Variants in CATIP observed in about 807,000 individuals in gnomAD.
CATIP encodes ciliogenesis-associated TTC17-interacting protein.
CATIP carries 40 observed loss-of-function variants against 42.5 expected under a neutral mutation model. The observed-to-expected ratio is 0.94, with a 90% CI of 0.73 to 1.22. CATIP has a LOEUF of 1.22. Ranked by LOEUF, CATIP falls within the 50% of genes most tolerant of loss-of-function variation. The pLI is 0.00. For missense variants in CATIP, 489 were observed against 496.0 expected (o/e 0.99, Z 0.13); for synonymous variants, 222 against 200.2 (o/e 1.11, Z -0.92).
chr2:218,363,978 G>A (rs1002351421), intron 6 of CATIP, among the ~76,000 whole-genome samples: 22 of 152,030 alleles, frequency 1.4e-4, no homozygotes, highest in Non-Finnish European at 2.8e-4. Context: ...AGGACTTCCT[G>A]CAATCAGTGA....
intron 6 of CATIP, 128 bp downstream of exon 6, chr2:218,363,030 G>A: frequency 1.1e-6 from 1 of 899,140 alleles, no homozygotes; most frequent in Non-Finnish European, 1.7e-6. Context: ...GCACAGGTGG[G>A]AATGGGGCTT....
At chr2:218,362,934 T>C (rs1270442921) in intron 6 of CATIP, 32 bp downstream of exon 6, 2 of 1,586,248 alleles carry the variant, frequency 1.3e-6, no homozygotes, top group Admixed American at 3.5e-5. Context: ...GGGACTTGGC[T>C]TGGGAGCGAA....
At chr2:218,361,973 G>A (rs375877176) in intron 5 of CATIP, among the ~76,000 whole-genome samples, 1 of 150,704 alleles carries the variant, frequency 6.6e-6, no homozygotes, top group African/African-American at 2.4e-5. Flanking sequence ...CTAGGAGTTC[G>A]AGACTTGCCT....
At chr2:218,366,958 G>A in intron 7 of CATIP, 66 bp from the exon 8 acceptor site, 1 of 1,238,102 alleles carries the variant, frequency 8.1e-7, no homozygotes, top group Non-Finnish European at 1.2e-6. Context: ...GGGTTAGAGA[G>A]ACAATTCAGT....
chr2:218,361,215 A>G (rs955672278), intron 5 of CATIP, among the ~76,000 whole-genome samples: 8 of 152,068 alleles, frequency 5.3e-5, no homozygotes, highest in Non-Finnish European at 1.2e-4. Context: ...AGACGTAAAA[A>G]TACAAAAAAT....
intron 5 of CATIP, among the ~76,000 whole-genome samples, chr2:218,361,843 GGGGA>G (rs1695244991): frequency 6.6e-6 from 1 of 152,124 alleles, no homozygotes; most frequent in Non-Finnish European, 1.5e-5. Context: ...AACTCTGAGC[GGGGA>G]CCAGATTAGA....
At chr2:218,361,844 G>A (rs1209525782) in intron 5 of CATIP, among the ~76,000 whole-genome samples, 1 of 152,106 alleles carries the variant, frequency 6.6e-6, no homozygotes, top group Non-Finnish European at 1.5e-5. Flanking sequence ...ACTCTGAGCG[G>A]GGACCAGATT....
chr2:218,357,285 C>CTCTCTT (rs1393514461), intron 2 of CATIP, 98 bp downstream of exon 2: 122 of 883,006 alleles, frequency 1.4e-4, no homozygotes, highest in Non-Finnish European at 1.8e-4. Context: ...CTCTCTCTCT[C>CTCTCTT]TCTCTTCCTT....
In CATIP at chr2:218,367,854, G is replaced by T. The variant is rs756758937; in HGVS notation, c.1054G>T (p.Gly352Cys). ...DVVTFAAEFF[G>C]PFDPWRPSSP... is the part of the protein sequence containing the mutation. The stretch of plus-strand genomic sequence containing the variant: ...GGTCACCTTCGCCGCCGAGTTCTTC[G>T]GCCCCTTCGACCCGTGGCGTCCGTC... Residue 352 changes from glycine to cysteine, a missense_variant, in exon 10 of 10, where the codon GGC becomes TGC. Gly to Cys is a radical substitution (Grantham distance 159, BLOSUM62 -3). Coordinates refer to ENST00000289388, the MANE Select transcript of CATIP (RefSeq NM_198559.2). The T allele has an allele frequency of 6.2e-7, 1 of 1,613,114 alleles. No homozygotes were observed. The highest frequency in any genetic ancestry group is 2.2e-5 in the East Asian group (1 of 44,870).
At position 218,368,025 on chromosome 2, in the gene CATIP, G is replaced by T. The variant is rs2106321570; in HGVS notation, c.*61G>T. The T allele has an allele frequency of 2.1e-6, 3 of 1,444,772 alleles. No homozygotes were observed. The highest frequency in any genetic ancestry group is 2.7e-6 in the Non-Finnish European group (3 of 1,105,592). The allele number at this position is 1,444,772 out of a possible 1,614,324, so 89.5% of individuals were successfully genotyped here. ...GGTCGGGCTGGGACGCGGGCGGGACGCGCCGGGGCGGGTGCGCTTTCCGGG... is the reference window on the plus strand; with the variant it reads ...GGTCGGGCTGGGACGCGGGCGGGACTCGCCGGGGCGGGTGCGCTTTCCGGG... On this transcript the variant is annotated 3_prime_UTR_variant, in exon 10 of 10. Transcript: ENST00000289388.
At chr2:218,367,383 G>T (rs753909684) in intron 8 of CATIP, 47 bp from the exon 9 acceptor site, 4 of 1,547,410 alleles carry the variant, frequency 2.6e-6, no homozygotes, top group Non-Finnish European at 3.6e-6. Flanking sequence ...TGTATCCAAG[G>T]AAGGTTCCGG....
intron 4 of CATIP, among the ~76,000 whole-genome samples, chr2:218,359,332 ACT>A (rs1402745846): frequency 8.2e-6 from 1 of 122,578 alleles, no homozygotes; most frequent in East Asian, 2.3e-4. Context: ...ACAGAGCGAG[ACT>A]CTGTCTCAAA....
intron 8 of CATIP, 50 bp downstream of exon 8, chr2:218,367,150 G>A (rs750800522): frequency 7.0e-7 from 1 of 1,424,248 alleles, no homozygotes; most frequent in Non-Finnish European, 9.8e-7. Flanking sequence ...AGGGGAGTGG[G>A]GAAACCTGGG....
chr2:218,364,475 T>A (rs1297301687), intron 6 of CATIP, among the ~76,000 whole-genome samples, 153 bp from the exon 7 acceptor site: 1 of 152,214 alleles, frequency 6.6e-6, no homozygotes, highest in African/African-American at 2.4e-5. Context: ...TAGCTCCCTA[T>A]GAGGGGTCGC....
intron 5 of CATIP, among the ~76,000 whole-genome samples, chr2:218,361,902 G>A (rs1242883504): frequency 3.9e-5 from 6 of 152,162 alleles, no homozygotes; most frequent in Non-Finnish European, 4.4e-5. Context: ...TAGGCTGGGC[G>A]CGGTGGCTCA....
chr2:218,363,279 G>A (rs888512184), intron 6 of CATIP, among the ~76,000 whole-genome samples: 1 of 147,096 alleles, frequency 6.8e-6, no homozygotes, highest in Non-Finnish European at 1.5e-5. Context: ...AGGAGATCTA[G>A]ACCATCCTGG....
intron 6 of CATIP, among the ~76,000 whole-genome samples, chr2:218,363,246 C>T (rs1398822777): frequency 6.6e-6 from 1 of 151,412 alleles, no homozygotes; most frequent in Non-Finnish European, 1.5e-5. Flanking sequence ...TTTGGGAGGC[C>T]AAGGCGGGCC....
intron 8 of CATIP, 152 bp from the exon 9 acceptor site, chr2:218,367,278 C>A (rs1005276259): frequency 3.2e-5 from 26 of 813,302 alleles, no homozygotes; most frequent in Non-Finnish European, 5.2e-5. Flanking sequence ...GAGGATCTTT[C>A]CTACTGGAAG....
In CATIP at chr2:218,367,006, T is replaced by C; in HGVS notation, c.756-18T>C. 5.0e-6 allele frequency: 8 copies of C among 1,602,552 alleles called. No homozygotes were observed. The highest frequency in any genetic ancestry group is 6.8e-6 in the Non-Finnish European group (8 of 1,169,580). ...GTCTGGGAAGATTCTCACTCTCACA[T>C]GTTGTGTTGCACTCCAGGCACCTGG... On this transcript the variant is annotated intron_variant, in intron 7 of 9. Transcript: ENST00000289388.
Sources: gnomAD v4.1 joint callset for allele counts (sites outside exome capture counted in the v4.1 genomes callset) on GRCh38, gnomAD v4.1.1 for gene constraint, MANE v1.5 for transcripts, NCBI Gene and HGNC (gene_info 2026-07-23, HGNC 2026-07-21) for gene names.